The following GUCY2F variants were observed in gnomAD, a reference collection of about 807,000 sequenced individuals.
GUCY2F encodes the protein retinal guanylyl cyclase 2.
Under a neutral mutation model 73.1 loss-of-function variants are expected in GUCY2F, and 61 were observed. That is an observed-to-expected ratio of 0.83 (90% CI 0.68 to 1.03). The LOEUF is 1.03. Among genes scored for constraint, GUCY2F ranks in the 50% least tolerant of loss-of-function variants. The probability of loss-of-function intolerance (pLI) is 0.00; values close to 1 mark genes in which losing one functional copy is unlikely to be tolerated. For missense variants in GUCY2F, 912 were observed against 854.3 expected, an observed-to-expected ratio of 1.07 and a Z score of -0.84; for synonymous variants, 331 against 307.8, an observed-to-expected ratio of 1.08 and a Z score of -0.79.
intron 15 of GUCY2F, among the ~76,000 whole-genome samples, chrX:109,385,556 C>A (rs1054752427): frequency 3.6e-5 from 4 of 111,613 alleles, no homozygotes; most frequent in Non-Finnish European, 5.7e-5. Context: ...TCAACAGGGA[C>A]AAACAAGTAT....
intron 11 of GUCY2F, among the ~76,000 whole-genome samples, chrX:109,397,573 A>T (rs1376338388): frequency 8.9e-6 from 1 of 112,349 alleles, no homozygotes; most frequent in Admixed American, 9.4e-5. Flanking sequence ...AAGGAAATTA[A>T]CATTTGTACA....
chrX:109,452,050 G>C lies in GUCY2F; in HGVS notation c.1445C>G (p.Ser482Cys). Residue 482 changes from serine to cysteine, a missense_variant, in exon 5 of 20, where the codon TCT (serine) becomes TGT (cysteine). Transcript: ENST00000218006. ...VCLTLLIALLSINGFAYFIRR... is the reference protein window; with the variant it reads ...VCLTLLIALLCINGFAYFIRR... ...TATAAAGTAAGCAAATCCATTAATA[G>C]ACAGCAGGGCTATAAGCAAAGTAAG... The C allele has an allele frequency of 2.7e-6, 3 of 1,106,078 alleles. No homozygotes were observed. Among genetic ancestry groups the C allele is most frequent in the Admixed American group, 2.2e-5 (1 of 45,781 alleles). The allele number at this position is 1,106,078 out of a possible 1,213,427, so 91.2% of individuals were successfully genotyped here.
chrX:109,419,059 C>A (rs1931307614), intron 8 of GUCY2F, among the ~76,000 whole-genome samples: 1 of 109,869 alleles, frequency 9.1e-6, no homozygotes, highest in African/African-American at 3.3e-5. Context: ...ATCCTAAGAG[C>A]CCTATATTTA....
intron 1 of GUCY2F, among the ~76,000 whole-genome samples, chrX:109,479,474 TCCTTTTTCC>T (rs1375748008): frequency 6.3e-5 from 7 of 111,856 alleles, no homozygotes; most frequent in Non-Finnish European, 9.4e-5. Flanking sequence ...TCTAGGTCTC[TCCTTTTTCC>T]CCTTTAGCTG....
At chrX:109,439,632 C>T (rs1931827600) in intron 7 of GUCY2F, among the ~76,000 whole-genome samples, 1 of 111,252 alleles carries the variant, frequency 9.0e-6, no homozygotes, top group Non-Finnish European at 1.9e-5. Flanking sequence ...GAATGCTTTG[C>T]TGCCTAGAGA....
rs139373641 is a variant in GUCY2F at position 109,448,163 on chromosome X, C to T, written c.1475G>A (p.Arg492His). The T allele has an allele frequency of 4.3e-5, 43 of 1,007,511 alleles. No individual in the cohort carries two copies. The highest frequency in any genetic ancestry group is 2.5e-4 in the Middle Eastern group (1 of 3,935). The allele number at this position is 1,007,511 out of a possible 1,213,427, so 83.0% of individuals were successfully genotyped here. A position where few individuals can be genotyped will look rare whatever the true frequency, so the allele number is the denominator to read the frequency against. The change falls in exon 6 of 20, where the codon CGT becomes CAT. Residue 492 changes from arginine to histidine, a missense_variant and splice_region_variant. Physicochemically the swap from Arg to His is conservative, Grantham distance 29. Transcript: ENST00000218006. ...GATCAACTGGATTTTATTTATACGA[C>T]GCCTAAAACAAACATGAAATCAGAG... ...SINGFAYFIR[R>H]RINKIQLIKG...
chrX:109,451,599 T>G (rs759002228), intron 5 of GUCY2F, among the ~76,000 whole-genome samples: 9 of 112,076 alleles, frequency 8.0e-5, no homozygotes, highest in Non-Finnish European at 1.7e-4. Context: ...TGCTAGAGCT[T>G]GGATTCTAGC....
intron 8 of GUCY2F, among the ~76,000 whole-genome samples, chrX:109,427,648 C>G (rs115672006): frequency 0.018 from 2,013 of 112,109 alleles, 44 homozygotes; most frequent in African/African-American, 0.062. Context: ...CACAGTGACA[C>G]TATGATCAGA....
At position 109,403,448 on chromosome X, in the gene GUCY2F, G is replaced by C. The variant is rs780844990; in HGVS notation, c.2125+880C>G. ...AAAAAGAAAAGCACTTGGGGCACAA[G>C]TGCCTGCCCAGGGATAATCTTGCAA... On this transcript the variant is annotated intron_variant, in intron 10 of 19. Coordinates refer to ENST00000218006, the MANE Select transcript of GUCY2F (RefSeq NM_001522.3). 5.4e-5 allele frequency among the ~76,000 whole-genome samples: 6 copies of C among 111,787 alleles called. No individual in the cohort carries two copies. The South Asian group carries it at 2.3e-3, about 42-fold the overall frequency.
chrX:109,475,272 G>C lies in GUCY2F; in HGVS notation c.665C>G (p.Thr222Arg). ...CCGCATGCTTTGGCTGTCTTGTCCT[G>C]TGGTCAGGACGACCCCTACAGGTAA... Reference protein sequence around the residue: ...HGLPVGVVLTTGQDSQSMRKA... With the variant: ...HGLPVGVVLTRGQDSQSMRKA... The change falls in exon 2 of 20, where the codon ACA becomes AGA. Residue 222 changes from threonine to arginine, a missense_variant. Coordinates refer to ENST00000218006, the MANE Select transcript of GUCY2F (RefSeq NM_001522.3). 8.3e-7 allele frequency: 1 copy of C among 1,210,246 alleles called. No individual in the cohort carries two copies.
rs1931528408 is a variant in GUCY2F, at chrX:109,428,103, CAA to C, written c.1791+2202_1791+2203del. On this transcript the variant is annotated intron_variant, in intron 8 of 19. Coordinates refer to ENST00000218006, the MANE Select transcript of GUCY2F (RefSeq NM_001522.3). Reference sequence around the variant, plus strand: ...AAATGTCAACCAGTAAATGCAGAAACAATGATGGAATACGACATTTATCAATG... The same window carrying C: ...AAATGTCAACCAGTAAATGCAGAAACTGATGGAATACGACATTTATCAATG... Among the ~76,000 whole-genome samples the C allele has an allele frequency of 6.2e-5, 7 of 112,054 alleles. No homozygotes were observed. In the South Asian group the frequency reaches 2.6e-3, roughly 41 times the overall value.
chrX:109,454,215 G>A (rs747322283), intron 3 of GUCY2F, among the ~76,000 whole-genome samples: 35 of 111,968 alleles, frequency 3.1e-4, no homozygotes, highest in African/African-American at 1.1e-3. Context: ...AAGTAAATAT[G>A]CCAGGTTAAT....
At chrX:109,446,520 G>A (rs1603384099) in intron 6 of GUCY2F, among the ~76,000 whole-genome samples, 2 of 110,269 alleles carry the variant, frequency 1.8e-5, no homozygotes, top group African/African-American at 6.8e-5. Flanking sequence ...ATCAAGAAAT[G>A]GGGAAAGGAT....
At chrX:109,411,246 C>T (rs1438446767) in intron 8 of GUCY2F, among the ~76,000 whole-genome samples, 2 of 95,033 alleles carry the variant, frequency 2.1e-5, no homozygotes, top group Non-Finnish European at 4.1e-5. Context: ...CTCATAGTTA[C>T]TCCATTTTCA....
intron 11 of GUCY2F, 69 bp from the exon 12 acceptor site, chrX:109,395,558 C>G: frequency 2.0e-6 from 2 of 977,669 alleles, no homozygotes; most frequent in Non-Finnish European, 2.9e-6. Flanking sequence ...GCAAAGATAA[C>G]TGACTTTTAG....
Position 109,453,552 on chromosome X carries a change from C to A in GUCY2F, c.1340G>T (p.Arg447Ile), listed in dbSNP as rs1932184257. The A allele has an allele frequency of 1.7e-6, 2 of 1,207,951 alleles. No homozygotes were observed. The highest frequency in any genetic ancestry group is 2.2e-6 in the Non-Finnish European group (2 of 893,645). Residue 447 changes from arginine (R) to isoleucine (I), a missense_variant, in exon 4 of 20, where the codon AGA becomes ATA. Physicochemically the swap from Arg to Ile is moderately conservative, Grantham distance 97 (BLOSUM62 -3). Transcript: ENST00000218006. ...TGCAAACCAGCATTTTGCATCTGCT[C>A]TAGGGGGCCTGCCACCAGGGAAGTG... is the stretch of plus-strand genomic sequence containing the variant. ...PIHFPGGRPP[R>I]ADAKCWFAEG...
chrX:109,395,321 A>T lies in GUCY2F; in HGVS notation c.2424+20T>A. 1 of 1,192,428 alleles carries T rather than the reference A, an allele frequency of 8.4e-7. No individual in the cohort carries two copies. Among genetic ancestry groups the T allele is most frequent in the Non-Finnish European group, 1.1e-6 (1 of 878,889 alleles). ...ACTTCAGGAAGGCTCCTGGGCAATG[A>T]TAAGATTCAGAGTCCTTACCTGGTT... On this transcript the variant is annotated intron_variant, in intron 12 of 19. Coordinates refer to ENST00000218006, the MANE Select transcript of GUCY2F (RefSeq NM_001522.3).
In GUCY2F at chrX:109,393,043, T is replaced by C; in HGVS notation, c.2437A>G (p.Asn813Asp). ...DEIFNQFKTF[N>D]KGKKTNIIDS... ...ATAATATTGGTCTTCTTCCCTTTAT[T>C]AAAAGTTTTAAACTGGAAGTAAAAT... is the stretch of plus-strand genomic sequence containing the variant. The change falls in exon 13 of 20, where the codon AAT (asparagine) becomes GAT (aspartate). Residue 813 changes from asparagine (N) to aspartate (D), a missense_variant. Physicochemically the swap from Asn to Asp is conservative, Grantham distance 23. Transcript: ENST00000218006. The C allele has an allele frequency of 9.3e-7, 1 of 1,069,633 alleles. No homozygotes were observed. The highest frequency in any genetic ancestry group is 3.0e-5 in the East Asian group (1 of 33,217). The allele number at this position is 1,069,633 out of a possible 1,213,427, so 88.1% of individuals were successfully genotyped here.
At chrX:109,439,569 T>C (rs1446982726) in intron 7 of GUCY2F, among the ~76,000 whole-genome samples, 1 of 110,699 alleles carries the variant, frequency 9.0e-6, no homozygotes, top group Admixed American at 9.7e-5. Flanking sequence ...TGTCTTTAAG[T>C]CATTTCTCAC....
Sources: allele counts gnomAD v4.1 joint callset (sites outside exome capture counted in the v4.1 genomes callset), GRCh38; gene constraint gnomAD v4.1.1; transcripts MANE v1.5; gene names NCBI Gene and HGNC (gene_info 2026-07-23, HGNC 2026-07-21).